The following WWOX variants were observed in gnomAD, a reference collection of about 807,000 sequenced individuals.
WWOX encodes WW domain containing oxidoreductase.
Under a neutral mutation model 46.2 loss-of-function variants are expected in WWOX, and 69 were observed. The ratio of observed to expected loss-of-function variants is 1.49; its 90% CI spans 1.23 to 1.82. WWOX has a LOEUF of 1.82. Ranked by LOEUF, WWOX falls within the 40% of genes most tolerant of loss-of-function variation. The pLI is 0.00. For missense variants in WWOX, 919 were observed against 542.6 expected (o/e 1.69, Z -6.89); for synonymous variants, 359 against 202.6 (o/e 1.77, Z -6.56).
chr16:78,290,103 G>C (rs2079835596), intron 5 of WWOX, among the ~76,000 whole-genome samples: 1 of 152,102 alleles, frequency 6.6e-6, no homozygotes, highest in African/African-American at 2.4e-5. Context: ...TTTGTGCCTT[G>C]TGATGTGTTT....
At chr16:79,006,546 G>A (rs1425745336) in intron 8 of WWOX, among the ~76,000 whole-genome samples, 1 of 150,300 alleles carries the variant, frequency 6.7e-6, no homozygotes, top group Non-Finnish European at 1.5e-5. Context: ...ACAGACATTT[G>A]TGAGGCACTG....
chr16:78,297,787 A>G (rs1200476274), intron 5 of WWOX, among the ~76,000 whole-genome samples: 2 of 152,002 alleles, frequency 1.3e-5, no homozygotes, highest in African/African-American at 4.8e-5. Flanking sequence ...GGGCAATAAA[A>G]CCCTCCCTTT....
intron 8 of WWOX, among the ~76,000 whole-genome samples, chr16:78,668,464 C>T (rs193241680): frequency 8.5e-4 from 129 of 152,294 alleles, no homozygotes; most frequent in African/African-American, 3.0e-3. Context: ...TATATCCACT[C>T]ATCATTCATT....
intron 5 of WWOX, among the ~76,000 whole-genome samples, chr16:78,193,248 A>G (rs940053486): frequency 2.0e-5 from 3 of 152,308 alleles, no homozygotes; most frequent in African/African-American, 7.2e-5. Context: ...CAGGGAGGGA[A>G]TGATAATTGT....
intron 8 of WWOX, among the ~76,000 whole-genome samples, chr16:78,591,672 T>C (rs112738005): frequency 4.6e-5 from 7 of 152,292 alleles, no homozygotes; most frequent in African/African-American, 1.7e-4. Flanking sequence ...CATAACCATA[T>C]CAGTTTGTGT....
chr16:78,418,170 C>T (rs2082841249), intron 6 of WWOX, among the ~76,000 whole-genome samples: 3 of 152,018 alleles, frequency 2.0e-5, no homozygotes, highest in Admixed American at 2.0e-4. Context: ...ACCATCCTGG[C>T]TAACATGGTG....
chr16:78,410,449 C>T lies in WWOX; in HGVS notation c.606-14421C>T, dbSNP rs78026322. 2.6e-5 allele frequency among the ~76,000 whole-genome samples: 4 copies of T among 152,066 alleles called. No individual in the cohort carries two copies. In the South Asian group the frequency reaches 6.2e-4, roughly 24 times the overall value. On this transcript the variant is annotated intron_variant, in intron 6 of 8. Coordinates refer to ENST00000566780, the MANE Select transcript of WWOX (RefSeq NM_016373.4). ...TTTTTCCCAGTTACTATTTTTGTGA[C>T]TCAGGAATTTAGGGACAGTTTGGCT...
At chr16:78,176,506 G>A (rs1267711992) in intron 5 of WWOX, among the ~76,000 whole-genome samples, 2 of 152,154 alleles carry the variant, frequency 1.3e-5, no homozygotes, top group African/African-American at 2.4e-5. Flanking sequence ...TAATTGTTCC[G>A]ACTACAATGC....
chr16:78,602,437 T>C (rs188634687), intron 8 of WWOX, among the ~76,000 whole-genome samples: 1 of 152,282 alleles, frequency 6.6e-6, no homozygotes, highest in African/African-American at 2.4e-5. Flanking sequence ...TTTCACTATA[T>C]TGGCCAGGCT....
At chr16:78,138,916 G>A (rs148586283) in intron 4 of WWOX, among the ~76,000 whole-genome samples, 6 of 152,252 alleles carry the variant, frequency 3.9e-5, no homozygotes, top group South Asian at 2.1e-4. Context: ...CCATGCAACT[G>A]TTTCTTGCAA....
intron 8 of WWOX, among the ~76,000 whole-genome samples, chr16:79,029,197 T>C (rs573295386): frequency 1.1e-4 from 17 of 152,098 alleles, no homozygotes; most frequent in Non-Finnish European, 2.4e-4. Context: ...TGGGTACAGA[T>C]GCACAGGAGA....
At chr16:78,825,510 G>T in intron 8 of WWOX, 1 of 496,158 alleles carries the variant, frequency 2.0e-6, no homozygotes, top group South Asian at 1.5e-5. Flanking sequence ...GAAGAGATTT[G>T]GCTTCCCACA....
chr16:79,194,207 G>C (rs772357703), intron 8 of WWOX, among the ~76,000 whole-genome samples: 1 of 152,278 alleles, frequency 6.6e-6, no homozygotes, highest in Non-Finnish European at 1.5e-5. Context: ...CACCAAAAAC[G>C]ATTTGGAAAG....
chr16:79,154,987 T>C (rs542794422), intron 8 of WWOX, among the ~76,000 whole-genome samples: 2 of 152,332 alleles, frequency 1.3e-5, no homozygotes, highest in African/African-American at 2.4e-5. Context: ...GGTCATGATG[T>C]CATGCTTATT....
chr16:79,049,829 T>C (rs139770065), intron 8 of WWOX, among the ~76,000 whole-genome samples: 2,736 of 137,222 alleles, frequency 0.02, 95 homozygotes, highest in African/African-American at 0.068. Flanking sequence ...AGTGAGACTC[T>C]GTCTCAAAAA....
At chr16:78,378,956 A>T (rs1039075537) in intron 5 of WWOX, among the ~76,000 whole-genome samples, 1 of 152,196 alleles carries the variant, frequency 6.6e-6, no homozygotes, top group Non-Finnish European at 1.5e-5. Context: ...CGACAGGGGA[A>T]CAGCCCAGTG....
At chr16:78,711,979 C>T (rs1253141452) in intron 8 of WWOX, among the ~76,000 whole-genome samples, 5 of 152,166 alleles carry the variant, frequency 3.3e-5, no homozygotes, top group Admixed American at 2.0e-4. Flanking sequence ...ATTAAATCTT[C>T]CATAATCTGT....
At chr16:78,322,855 A>G (rs549019913) in intron 5 of WWOX, among the ~76,000 whole-genome samples, 19 of 152,202 alleles carry the variant, frequency 1.2e-4, no homozygotes, top group Non-Finnish European at 2.4e-4. Context: ...AATTAAAATT[A>G]TGTATGGACA....
chr16:78,583,009 A>G (rs1227148854), intron 8 of WWOX, among the ~76,000 whole-genome samples: 1 of 152,208 alleles, frequency 6.6e-6, no homozygotes, highest in Non-Finnish European at 1.5e-5. Context: ...CTTAAGCTCA[A>G]CTTCATGCAA....
Sources: allele counts gnomAD v4.1 joint callset (sites outside exome capture counted in the v4.1 genomes callset), GRCh38; gene constraint gnomAD v4.1.1; transcripts MANE v1.5; gene names NCBI Gene and HGNC (gene_info 2026-07-23, HGNC 2026-07-21).